Variants in FBXO48 observed in about 807,000 individuals in gnomAD.
FBXO48 encodes F-box protein 48, also known as F-box only protein 48.
FBXO48 carries 12 observed loss-of-function variants against 14.3 expected under a neutral mutation model. That is an observed-to-expected ratio of 0.84 (90% confidence interval 0.54 to 1.36). The LOEUF (loss-of-function observed/expected upper bound fraction) is 1.36. Ranked by LOEUF, FBXO48 falls within the 40% of genes most tolerant of loss-of-function variation. FBXO48 has a pLI of 0.00. For missense variants in FBXO48, 177 were observed against 179.1 expected, an observed-to-expected ratio of 0.99 and a Z score of 0.07; for synonymous variants, 53 against 61.7, an observed-to-expected ratio of 0.86 and a Z score of 0.66.
Position 68,462,766 on chromosome 2 carries a change from T to C in FBXO48, c.*1443A>G, listed in dbSNP as rs1675300223. 1 of 152,274 alleles carries C rather than the reference T, an allele frequency of 6.6e-6. No individual in the cohort carries two copies. 9.4% of individuals were successfully genotyped at this position (152,274 alleles called of 1,614,324 possible). On this transcript the variant is annotated 3_prime_UTR_variant, in exon 4 of 4. Transcript: ENST00000377957. ...AGAGAAGACATAGGAAGAGACAGGC[T>C]ATCAGTCTTCAAATATCTGGCAATC...
chr2:68,464,923 AAG>A lies in FBXO48; in HGVS notation c.221_222del (p.Ser74PhefsTer19). 11 of 1,613,944 alleles carry A rather than the reference AAG, an allele frequency of 6.8e-6. No individual in the cohort carries two copies. Among genetic ancestry groups the A allele is most frequent in the South Asian group, 1.1e-5 (1 of 91,058 alleles). On this transcript the variant is annotated frameshift_variant, in exon 3 of 4. Transcript: ENST00000377957. LOFTEE classifies it high-confidence loss of function. ...SWNDTIRNSD[S>X]LWKPHCMTVR... ...ACAGTCATGCAGTGAGGTTTCCATA[AAG>A]AGTCACTGTTTCTTATTGTGTCATT...
In FBXO48 at chr2:68,465,573, C is replaced by T. The variant is rs182008528; in HGVS notation, c.-33-395G>A. ...AAACAGAAAACCAAAAACTGTTTTA[C>T]GGAGAAATGGTTCTTGCTATGTTGT... is the stretch of plus-strand genomic sequence containing the variant. On this transcript the variant is annotated intron_variant, in intron 2 of 3. Transcript: ENST00000377957. 2.2e-3 allele frequency among the ~76,000 whole-genome samples: 332 copies of T among 149,802 alleles called. 2 individuals are homozygous for T. Among genetic ancestry groups the T allele is most frequent in the African/African-American group, 7.4e-3 (303 of 40,778 alleles).
At position 68,460,643 on chromosome 2, in the gene FBXO48, A is replaced by G. The variant is rs986454780; in HGVS notation, c.*3566T>C. ...GGAGATCTGATGTTGGGACACGGAC[A>G]TAGACGGCATTAGCACCAACAATGG... On this transcript the variant is annotated 3_prime_UTR_variant, in exon 4 of 4. Coordinates refer to ENST00000377957, the MANE Select transcript of FBXO48 (RefSeq NM_001024680.3). 2.0e-5 allele frequency: 3 copies of G among 152,166 alleles called. No individual in the cohort carries two copies. Among genetic ancestry groups the G allele is most frequent in the Admixed American group, 6.5e-5 (1 of 15,274 alleles). The allele number at this position is 152,166 out of a possible 1,614,324, so 9.4% of individuals were successfully genotyped here. A position where few individuals can be genotyped will look rare whatever the true frequency, so the allele number is the denominator to read the frequency against.
intron 3 of FBXO48, 84 bp downstream of exon 3, chr2:68,464,756 T>A: frequency 1.0e-6 from 1 of 974,018 alleles, no homozygotes; most frequent in African/African-American, 1.6e-5. Flanking sequence ...TAATTCTGAC[T>A]CCTCCAAGCA....
At chr2:68,465,583 G>A (rs1675386031) in intron 2 of FBXO48, among the ~76,000 whole-genome samples, 1 of 151,502 alleles carries the variant, frequency 6.6e-6, no homozygotes, top group Non-Finnish European at 1.5e-5. Flanking sequence ...CGGAGAAATG[G>A]TTCTTGCTAT....
At chr2:68,464,468 A>G in intron 3 of FBXO48, 98 bp from the exon 4 acceptor site, 6 of 1,043,352 alleles carry the variant, frequency 5.8e-6, no homozygotes, top group Non-Finnish European at 8.7e-6. Flanking sequence ...GCTGAAAAAA[A>G]GAGTATTTAC....
Position 68,462,583 on chromosome 2 carries a change from T to C in FBXO48, c.*1626A>G, listed in dbSNP as rs554053208. 6.6e-6 allele frequency: 1 copy of C among 152,404 alleles called. No individual in the cohort carries two copies. The highest frequency in any genetic ancestry group is 2.4e-5 in the African/African-American group (1 of 41,568). 9.4% of individuals were successfully genotyped at this position (152,404 alleles called of 1,614,324 possible). ...ATGTTGACCAGGCTGGTCTTGAACT[T>C]CTGACCTGAGGTGATCCACCCACCT... is the stretch of plus-strand genomic sequence containing the variant. On this transcript the variant is annotated 3_prime_UTR_variant, in exon 4 of 4. Transcript: ENST00000377957.
rs936065364 is a variant in FBXO48, at chr2:68,460,694, G to A, written c.*3515C>T. ...TAGCTGACATAGGAGTTGTAGATGG[G>A]ATCACCAAGGATGTTAGAGTATAGA... On this transcript the variant is annotated 3_prime_UTR_variant, in exon 4 of 4. Transcript: ENST00000377957. 1 of 152,172 alleles carries A rather than the reference G, an allele frequency of 6.6e-6. No homozygotes were observed. Among genetic ancestry groups the A allele is most frequent in the Non-Finnish European group, 1.5e-5 (1 of 68,040 alleles). The allele number at this position is 152,172 out of a possible 1,614,324, so 9.4% of individuals were successfully genotyped here. A position where few individuals can be genotyped will look rare whatever the true frequency, so the allele number is the denominator to read the frequency against.
In FBXO48 at chr2:68,461,289, T is replaced by TA. The variant is rs1675256588; in HGVS notation, c.*2919_*2920insT. The TA allele has an allele frequency of 7.3e-6, 1 of 136,082 alleles. No individual in the cohort carries two copies. The highest frequency in any genetic ancestry group is 2.3e-4 in the South Asian group (1 of 4,362). 8.4% of individuals were successfully genotyped at this position (136,082 alleles called of 1,614,324 possible). ...TACTTAAGATCCGTTTTCGTTTTCT[T>TA]TTTTTTTTTTTTTTTTTTGAGACGG... is the stretch of plus-strand genomic sequence containing the variant. On this transcript the variant is annotated 3_prime_UTR_variant, in exon 4 of 4. Transcript: ENST00000377957.
At position 68,461,665 on chromosome 2, in the gene FBXO48, CTT is replaced by C. The variant is rs2103849085; in HGVS notation, c.*2542_*2543del. ...AGAGGAAAGGGCTTCTTTCTTCCAA[CTT>C]ATGAAAAGGGGGGATTGGGTCATGT... On this transcript the variant is annotated 3_prime_UTR_variant, in exon 4 of 4. Transcript: ENST00000377957. 6.6e-6 allele frequency: 1 copy of C among 151,412 alleles called. No homozygotes were observed. Among genetic ancestry groups the C allele is most frequent in the Admixed American group, 6.6e-5 (1 of 15,178 alleles). 9.4% of individuals were successfully genotyped at this position (151,412 alleles called of 1,614,324 possible).
Position 68,464,879 on chromosome 2 carries a change from T to C in FBXO48, c.267A>G (p.Arg89=). 1.2e-6 allele frequency: 2 copies of C among 1,613,540 alleles called. No homozygotes were observed. The highest frequency in any genetic ancestry group is 1.7e-6 in the Non-Finnish European group (2 of 1,179,940). Residue 89 remains arginine, a synonymous_variant, in exon 3 of 4, where the codon AGA becomes AGG. Transcript: ENST00000377957. ...HCMTVRAVCR[R]EIDDDLESGY... Reference sequence around the variant, plus strand: ...CACTTTCTAGATCATCATCTATTTCTCTTCGGCACACAGCTCTTACAGTCA... The same window carrying C: ...CACTTTCTAGATCATCATCTATTTCCCTTCGGCACACAGCTCTTACAGTCA...
rs1187937579 is a variant in FBXO48, at chr2:68,464,892, G to T, written c.254C>A (p.Ala85Asp). The T allele has an allele frequency of 1.9e-6, 3 of 1,613,558 alleles. No homozygotes were observed. Among genetic ancestry groups the T allele is most frequent in the African/African-American group, 2.7e-5 (2 of 74,908 alleles). ...ATCATCTATTTCTCTTCGGCACACA[G>T]CTCTTACAGTCATGCAGTGAGGTTT... ...LWKPHCMTVR[A>D]VCRREIDDDL... is the part of the protein sequence containing the mutation. The change falls in exon 3 of 4, where the codon GCT becomes GAT. Residue 85 changes from alanine to aspartate, a missense_variant. By Grantham distance (126) the Ala-to-Asp change is moderately radical. Coordinates refer to ENST00000377957, the MANE Select transcript of FBXO48 (RefSeq NM_001024680.3).
chr2:68,464,545 A>C (rs185083945), intron 3 of FBXO48, among the ~76,000 whole-genome samples, 175 bp from the exon 4 acceptor site: 30 of 152,330 alleles, frequency 2.0e-4, no homozygotes, highest in African/African-American at 7.2e-4. Flanking sequence ...ATGTGTATTT[A>C]TACTGAGTGG....
At chr2:68,465,688 G>A (rs761830223) in intron 2 of FBXO48, among the ~76,000 whole-genome samples, 1 of 152,018 alleles carries the variant, frequency 6.6e-6, no homozygotes, top group South Asian at 2.1e-4. Flanking sequence ...CACCATACCC[G>A]GTACTTTTGT....
At chr2:68,465,855 ATAGG>A (rs1675395429) in intron 2 of FBXO48, among the ~76,000 whole-genome samples, 1 of 152,218 alleles carries the variant, frequency 6.6e-6, no homozygotes, top group Admixed American at 6.5e-5. Context: ...CTTGTATCTT[ATAGG>A]TAGGTAGGTG....
chr2:68,464,151 T>C lies in FBXO48; in HGVS notation c.*58A>G. The C allele has an allele frequency of 6.6e-7, 1 of 1,509,684 alleles. No homozygotes were observed. Among genetic ancestry groups the C allele is most frequent in the South Asian group, 1.1e-5 (1 of 87,482 alleles). The allele number at this position is 1,509,684 out of a possible 1,614,324, so 93.5% of individuals were successfully genotyped here. A position where few individuals can be genotyped will look rare whatever the true frequency, so the allele number is the denominator to read the frequency against. On this transcript the variant is annotated 3_prime_UTR_variant, in exon 4 of 4. Transcript: ENST00000377957. ...GAATAAAGATATCGCTTTTGCAACC[T>C]AAGAGTCATTTAAGTTTTAAACTTT...
intron 3 of FBXO48, 109 bp from the exon 4 acceptor site, chr2:68,464,479 A>G (rs980838410): frequency 1.1e-6 from 1 of 877,706 alleles, no homozygotes; most frequent in African/African-American, 1.7e-5. Flanking sequence ...GAGTATTTAC[A>G]TTTATATATA....
In FBXO48 at chr2:68,465,046, A is replaced by G; in HGVS notation, c.100T>C (p.Phe34Leu). Residue 34 changes from phenylalanine (F) to leucine (L), a missense_variant, in exon 3 of 4, where the codon TTT (phenylalanine) becomes CTT (leucine). Coordinates refer to ENST00000377957, the MANE Select transcript of FBXO48 (RefSeq NM_001024680.3). Reference sequence around the variant, plus strand: ...ATTTCTGCAGGCAGCAGTTCAAAAAAGTTGTTTTGACTCTCATTTTTTTCC... The same window carrying G: ...ATTTCTGCAGGCAGCAGTTCAAAAAGGTTGTTTTGACTCTCATTTTTTTCC... ...EKEKNESQNN[F>L]FELLPAEITF... 2 of 1,613,986 alleles carry G rather than the reference A, an allele frequency of 1.2e-6. No homozygotes were observed. The highest frequency in any genetic ancestry group is 1.7e-6 in the Non-Finnish European group (2 of 1,180,020).
rs1265563896 is a variant in FBXO48 at position 68,464,248 on chromosome 2, A to G, written c.429T>C (p.Asp143=). 6 of 1,613,616 alleles carry G rather than the reference A, an allele frequency of 3.7e-6. No homozygotes were observed. Among genetic ancestry groups the G allele is most frequent in the Non-Finnish European group, 5.1e-6 (6 of 1,179,932 alleles). ...CTGCTTCTAGAATTTCCCCCCATGT[A>G]TCTGCATCCATTGGGTACATGATTT... The part of the protein sequence containing the change: ...PEKIMYPMDA[D]TWGEILEAEL... Residue 143 remains aspartate, a synonymous_variant, in exon 4 of 4, where the codon GAT becomes GAC. Transcript: ENST00000377957.
Sources: allele counts gnomAD v4.1 joint callset (sites outside exome capture counted in the v4.1 genomes callset), GRCh38; gene constraint gnomAD v4.1.1; transcripts MANE v1.5; gene names NCBI Gene and HGNC (gene_info 2026-07-23, HGNC 2026-07-21).